The following DCC variants were observed in gnomAD, a reference collection of about 807,000 sequenced individuals.
DCC encodes the protein DCC netrin 1 receptor, also known as netrin receptor DCC.
A neutral mutation model predicts 172.5 loss-of-function variants in DCC; 58 were observed. That is an observed-to-expected ratio of 0.34 (90% CI 0.27 to 0.42). The LOEUF (loss-of-function observed/expected upper bound fraction) is 0.42, where lower values mean the gene tolerates loss of function less well. Ranked by LOEUF, DCC falls within the 10% of genes least tolerant of loss-of-function variation. The pLI is 1.00. For synonymous variants in DCC, 709 were observed against 644.5 expected (o/e 1.10, Z -1.52); for missense variants, 1,740 against 1,791.0 (o/e 0.97, Z 0.51).
chr18:52,476,046 C>A (rs1989084970), intron 1 of DCC, among the ~76,000 whole-genome samples: 1 of 152,136 alleles, frequency 6.6e-6, no homozygotes, highest in Admixed American at 6.6e-5. Flanking sequence ...AATCCTGAAA[C>A]AACTGAAGCA....
chr18:52,656,028 G>GTGTGTA (rs59712053), intron 1 of DCC, among the ~76,000 whole-genome samples: 3 of 112,636 alleles, frequency 2.7e-5, no homozygotes, highest in African/African-American at 3.7e-5. Context: ...GTATATATAT[G>GTGTGTA]TATATATGTG....
chr18:52,862,613 A>C (rs893886535), intron 2 of DCC, among the ~76,000 whole-genome samples: 2 of 151,982 alleles, frequency 1.3e-5, no homozygotes, highest in Non-Finnish European at 2.9e-5. Context: ...CAGGAGAATC[A>C]CTTAAACCCA....
intron 1 of DCC, among the ~76,000 whole-genome samples, chr18:52,749,560 C>A (rs970409241): frequency 6.6e-6 from 1 of 152,178 alleles, no homozygotes; most frequent in Non-Finnish European, 1.5e-5. Flanking sequence ...GCCATATATT[C>A]AAAATATAAT....
chr18:52,784,931 G>C (rs868436918), intron 2 of DCC, among the ~76,000 whole-genome samples: 1 of 138,952 alleles, frequency 7.2e-6, no homozygotes, highest in Admixed American at 6.9e-5. Flanking sequence ...AGAAGAGAAG[G>C]GGGGAGAGAG....
chr18:53,430,702 G>T (rs1466906960), intron 21 of DCC, among the ~76,000 whole-genome samples: 1 of 152,070 alleles, frequency 6.6e-6, no homozygotes, highest in East Asian at 1.9e-4. Context: ...AATAACTTAA[G>T]ATTTGTACTT....
intron 5 of DCC, among the ~76,000 whole-genome samples, chr18:52,995,501 G>A (rs947909559): frequency 1.6e-4 from 24 of 150,642 alleles, no homozygotes; most frequent in Admixed American, 1.1e-3. Flanking sequence ...TTTTTTCTAG[G>A]CCTCAAACAC....
intron 12 of DCC, among the ~76,000 whole-genome samples, chr18:53,241,031 T>C (rs970696242): frequency 6.6e-6 from 1 of 152,078 alleles, no homozygotes; most frequent in Admixed American, 6.6e-5. Context: ...TTACTTACCT[T>C]CTTGGTAACC....
At chr18:53,365,937 GTTTGT>G (rs1249158436) in intron 15 of DCC, among the ~76,000 whole-genome samples, 1 of 152,170 alleles carries the variant, frequency 6.6e-6, no homozygotes, top group African/African-American at 2.4e-5. Context: ...CAAGCCGGTG[GTTTGT>G]TTTATCACAG....
intron 1 of DCC, among the ~76,000 whole-genome samples, chr18:52,608,050 GCAACTTCTTTAT>G (rs988521714): frequency 1.3e-5 from 2 of 152,026 alleles, no homozygotes; most frequent in Non-Finnish European, 2.9e-5. Context: ...TATTTTGAGA[GCAACTTCTTTAT>G]AAAGAAATGG....
At chr18:53,109,239 G>C (rs1303715974) in intron 7 of DCC, among the ~76,000 whole-genome samples, 1 of 151,062 alleles carries the variant, frequency 6.6e-6, no homozygotes, top group Non-Finnish European at 1.5e-5. Context: ...TAGATTGATA[G>C]GTTTTCCATG....
chr18:52,817,669 C>CCTAA (rs2038326270), intron 2 of DCC, among the ~76,000 whole-genome samples: 1 of 151,802 alleles, frequency 6.6e-6, no homozygotes, highest in Non-Finnish European at 1.5e-5. Context: ...AACGTATTTG[C>CCTAA]CTAATGTGTA....
chr18:52,916,958 T>C (rs1465861636), intron 3 of DCC, among the ~76,000 whole-genome samples: 1 of 151,908 alleles, frequency 6.6e-6, no homozygotes, highest in Non-Finnish European at 1.5e-5. Context: ...AGGTGTTTTT[T>C]TAAAAATATT....
intron 8 of DCC, among the ~76,000 whole-genome samples, chr18:53,176,092 T>C (rs1480780826): frequency 1.4e-5 from 2 of 144,450 alleles, no homozygotes; most frequent in African/African-American, 5.2e-5. Flanking sequence ...ATTCCCTATT[T>C]AATAAATGGT....
At chr18:53,486,717 G>C in intron 25 of DCC, 80 bp from the exon 26 acceptor site, 1 of 1,599,112 alleles carries the variant, frequency 6.3e-7, no homozygotes, top group Admixed American at 1.7e-5. Context: ...TTGAGGATCT[G>C]AAAATTCCAC....
intron 26 of DCC, among the ~76,000 whole-genome samples, chr18:53,497,742 A>G (rs954927317): frequency 1.3e-5 from 2 of 152,234 alleles, no homozygotes; most frequent in Admixed American, 1.3e-4. Context: ...TCTGAAAGCC[A>G]ACATCACCAA....
At chr18:52,391,774 G>T (rs866254351) in intron 1 of DCC, among the ~76,000 whole-genome samples, 1 of 152,082 alleles carries the variant, frequency 6.6e-6, no homozygotes, top group Non-Finnish European at 1.5e-5. Context: ...TTCTATTTGG[G>T]CATATCCCTG....
At chr18:53,259,898 C>T (rs1019995974) in intron 12 of DCC, among the ~76,000 whole-genome samples, 11 of 30,912 alleles carry the variant, frequency 3.6e-4, no homozygotes, top group Middle Eastern at 0.028. Context: ...TTCTTGGAGG[C>T]TTTGTTCTTT....
chr18:53,250,195 G>A (rs1485958261), intron 12 of DCC, among the ~76,000 whole-genome samples: 2 of 151,834 alleles, frequency 1.3e-5, no homozygotes, highest in African/African-American at 4.8e-5. Context: ...ATCAGGTTAA[G>A]TGGCTTCTAT....
intron 1 of DCC, among the ~76,000 whole-genome samples, chr18:52,508,953 C>T (rs568233679): frequency 3.3e-5 from 5 of 152,334 alleles, no homozygotes; most frequent in African/African-American, 4.8e-5. Context: ...GCCTGAAATG[C>T]GACTGGCGTC....
Sources: gnomAD v4.1 joint callset for allele counts (sites outside exome capture counted in the v4.1 genomes callset) on GRCh38, gnomAD v4.1.1 for gene constraint, MANE v1.5 for transcripts, NCBI Gene and HGNC (gene_info 2026-07-23, HGNC 2026-07-21) for gene names.